TSKS: variants seen among roughly 807,000 people sequenced by gnomAD.
The protein encoded by TSKS is testis specific serine kinase substrate.
In TSKS, 27 loss-of-function variants were observed where a neutral mutation model predicts 68.0. The ratio of observed to expected loss-of-function variants is 0.40; its 90% confidence interval spans 0.29 to 0.55. TSKS has a LOEUF of 0.55. Among genes scored for constraint, TSKS ranks in the 20% least tolerant of loss-of-function variants. The pLI, the probability that TSKS is intolerant of heterozygous loss-of-function variation, is 0.53. For synonymous variants in TSKS, 331 were observed against 340.4 expected, an observed-to-expected ratio of 0.97 and a Z score of 0.30; for missense variants, 806 against 776.0, an observed-to-expected ratio of 1.04 and a Z score of -0.46.
intron 7 of TSKS, 88 bp downstream of exon 7, chr19:49,745,114 G>A (rs1057162816): frequency 1.5e-6 from 2 of 1,324,636 alleles, no homozygotes; most frequent in African/African-American, 1.5e-5. Context: ...ATAGCTGATT[G>A]GCCTACCCAT....
Position 49,746,415 on chromosome 19 carries a change from C to T in TSKS, c.992+55G>A, listed in dbSNP as rs1253287357. 6.9e-6 allele frequency: 11 copies of T among 1,600,772 alleles called. No individual in the cohort carries two copies. The East Asian group carries it at 2.0e-4, about 29-fold the overall frequency. ...CCCACCGCATCTCCTCGAGGCTCCA[C>T]CCCTGAGTCCCCGCCGATCTCGTTT... is the stretch of plus-strand genomic sequence containing the variant. On this transcript the variant is annotated intron_variant, in intron 6 of 10. Transcript: ENST00000246801.
In TSKS at chr19:49,744,772, A is replaced by G. The variant is rs541191066; in HGVS notation, c.1188-368T>C. Among the ~76,000 whole-genome samples, 4 of 151,940 alleles carry G rather than the reference A, an allele frequency of 2.6e-5. No homozygotes were observed. In the East Asian group the frequency reaches 7.8e-4, roughly 30 times the overall value. On this transcript the variant is annotated intron_variant, in intron 7 of 10. Transcript: ENST00000246801. ...CCCAGCTAATTTTTAAATTGTTTGT[A>G]GAGATGGGGTCTCCGCTATGTGGCC...
intron 9 of TSKS, among the ~76,000 whole-genome samples, chr19:49,740,642 G>T (rs1308883469): frequency 6.6e-6 from 1 of 151,990 alleles, no homozygotes; most frequent in African/African-American, 2.4e-5. Flanking sequence ...CCAGCACTTT[G>T]GGAGGTCGAC....
intron 6 of TSKS, 142 bp downstream of exon 6, chr19:49,746,328 G>T: frequency 4.1e-6 from 4 of 986,588 alleles, no homozygotes; most frequent in Non-Finnish European, 5.9e-6. Context: ...TCAGGTCCCC[G>T]AGGCTCCACC....
At chr19:49,741,414 G>T (rs143911102) in intron 9 of TSKS, among the ~76,000 whole-genome samples, 2 of 152,250 alleles carry the variant, frequency 1.3e-5, no homozygotes, top group East Asian at 3.9e-4. Flanking sequence ...GGCTGAGTGT[G>T]TTGTGCAATG....
intron 2 of TSKS, among the ~76,000 whole-genome samples, chr19:49,755,442 C>T (rs2084385097): frequency 6.6e-6 from 1 of 152,138 alleles, no homozygotes; most frequent in African/African-American, 2.4e-5. Context: ...CTGCTGTCAT[C>T]CCAGGACTTT....
At position 49,748,095 on chromosome 19, in the gene TSKS, A is replaced by G; in HGVS notation, c.569T>C (p.Ile190Thr). The G allele has an allele frequency of 6.2e-7, 1 of 1,614,062 alleles. No homozygotes were observed. Among genetic ancestry groups the G allele is most frequent in the Non-Finnish European group, 8.5e-7 (1 of 1,180,000 alleles). ...GTCCCACTGGCTCACCTTGAGTTGA[A>G]TGCAGTACCCCTCCAACTCTTCTGC... The part of the protein sequence containing the change: ...QEAEELEGYC[I>T]QLKENCWKVT... Residue 190 changes from isoleucine to threonine, a missense_variant, in exon 4 of 11, where the codon ATT becomes ACT. By Grantham distance (89) the Ile-to-Thr change is moderately conservative. Coordinates refer to ENST00000246801, the MANE Select transcript of TSKS (RefSeq NM_021733.2).
At chr19:49,760,374 G>A (rs2084430418) in intron 2 of TSKS, among the ~76,000 whole-genome samples, 1 of 151,566 alleles carries the variant, frequency 6.6e-6, no homozygotes, top group Non-Finnish European at 1.5e-5. Context: ...AGGCTGGAGT[G>A]CAGTGGCGTG....
intron 7 of TSKS, 22 bp downstream of exon 7, chr19:49,745,180 A>T (rs555396455): frequency 6.4e-7 from 1 of 1,555,326 alleles, no homozygotes; most frequent in African/African-American, 1.4e-5. Flanking sequence ...CGGTCTTCCC[A>T]TGCACTGGCC....
At chr19:49,757,661 C>T (rs1470532762) in intron 2 of TSKS, among the ~76,000 whole-genome samples, 18 of 152,114 alleles carry the variant, frequency 1.2e-4, no homozygotes, top group Admixed American at 1.2e-3. Flanking sequence ...TGGAAACTGA[C>T]ACTCTCTCAA....
intron 2 of TSKS, among the ~76,000 whole-genome samples, chr19:49,751,883 T>G (rs2084353403): frequency 9.3e-6 from 1 of 107,078 alleles, no homozygotes; most frequent in Non-Finnish European, 1.7e-5. Flanking sequence ...GACAACATGG[T>G]GAGACCCCAA....
chr19:49,748,309 A>G (rs2084319923), intron 3 of TSKS, 65 bp downstream of exon 3: 1 of 1,575,002 alleles, frequency 6.3e-7, no homozygotes. Context: ...TGCTGGAGGC[A>G]GGCTCCAAGA....
intron 2 of TSKS, among the ~76,000 whole-genome samples, chr19:49,751,190 G>A (rs543291732): frequency 6.6e-6 from 1 of 150,750 alleles, no homozygotes; most frequent in Non-Finnish European, 1.5e-5. Context: ...TGTAATCCCA[G>A]CTACTTGGGA....
rs574428055 is a variant in TSKS at position 49,749,583 on chromosome 19, A to G, written c.400-1114T>C. On this transcript the variant is annotated intron_variant, in intron 2 of 10. Transcript: ENST00000246801. ...TGGCCATGTGACTAAGTTCTGGCCAATGGAATGTGAGTGGAAATAATGTAG... is the reference window on the plus strand; with the variant it reads ...TGGCCATGTGACTAAGTTCTGGCCAGTGGAATGTGAGTGGAAATAATGTAG... Among the ~76,000 whole-genome samples the G allele has an allele frequency of 2.0e-5, 3 of 151,948 alleles. No individual in the cohort carries two copies. In the East Asian group the frequency reaches 5.8e-4, roughly 29 times the overall value.
At chr19:49,747,938 A>T (rs2084316284) in intron 4 of TSKS, 147 bp downstream of exon 4, 2 of 735,896 alleles carry the variant, frequency 2.7e-6, no homozygotes, top group South Asian at 3.2e-5. Context: ...CAAACTCCTG[A>T]CCTCAGGTGA....
intron 8 of TSKS, among the ~76,000 whole-genome samples, chr19:49,743,717 C>T (rs7253777): frequency 2.0e-5 from 3 of 150,792 alleles, no homozygotes; most frequent in East Asian, 3.9e-4. Flanking sequence ...AGCCAGGATG[C>T]TCTTGATCTC....
At chr19:49,748,660 C>T (rs751698622) in intron 2 of TSKS, among the ~76,000 whole-genome samples, 191 bp from the exon 3 acceptor site, 16 of 152,120 alleles carry the variant, frequency 1.1e-4, no homozygotes, top group Non-Finnish European at 2.1e-4. Context: ...CATAAACGAC[C>T]TTTCTTCATG....
At position 49,739,769 on chromosome 19, in the gene TSKS, A is replaced by C; in HGVS notation, c.*7T>G. On this transcript the variant is annotated 3_prime_UTR_variant, in exon 11 of 11. Transcript: ENST00000246801. The stretch of plus-strand genomic sequence containing the variant: ...CAGACAGAATTCATGCTAGCATGAG[A>C]GGCCATTTATTGTTCAGGGGCTGAG... The C allele has an allele frequency of 1.8e-5, 22 of 1,201,750 alleles. No homozygotes were observed. The highest frequency in any genetic ancestry group is 2.2e-5 in the Non-Finnish European group (18 of 817,432). 74.4% of individuals were successfully genotyped at this position (1,201,750 alleles called of 1,614,324 possible).
At position 49,739,826 on chromosome 19, in the gene TSKS, T is replaced by C. The variant is rs2084235982; in HGVS notation, c.1729A>G (p.Ser577Gly). The stretch of plus-strand genomic sequence containing the variant: ...TGTTTTGGGGGGGTTCCTGCACTGC[T>C]GCCTCCCCCCATTGTTCCCGTGGAC... ...EGSTGTMGGGSSAGTPPKQGG... is the reference protein window; with the variant it reads ...EGSTGTMGGGGSAGTPPKQGG... Residue 577 changes from serine to glycine, a missense_variant, in exon 11 of 11, where the codon AGC becomes GGC. By Grantham distance (56) the Ser-to-Gly change is moderately conservative. Transcript: ENST00000246801. The C allele has an allele frequency of 6.2e-7, 1 of 1,609,680 alleles. No homozygotes were observed. The highest frequency in any genetic ancestry group is 8.5e-7 in the Non-Finnish European group (1 of 1,176,088).
Sources: gnomAD v4.1 joint callset for allele counts (sites outside exome capture counted in the v4.1 genomes callset) on GRCh38, gnomAD v4.1.1 for gene constraint, MANE v1.5 for transcripts, NCBI Gene and HGNC (gene_info 2026-07-23, HGNC 2026-07-21) for gene names.